The following LRP1B variants were observed in gnomAD, a reference collection of about 807,000 sequenced individuals.
The protein encoded by LRP1B is low-density lipoprotein receptor-related protein 1B.
In LRP1B, 217 loss-of-function variants were observed where a neutral mutation model predicts 556.6. That is an observed-to-expected ratio of 0.39 (90% CI 0.35 to 0.44). LRP1B has a LOEUF of 0.44. LRP1B is among the 20% of genes least tolerant of loss of function. The pLI, the probability that LRP1B is intolerant of heterozygous loss-of-function variation, is 1.00. For missense variants in LRP1B, 5,053 were observed against 5,620.8 expected (o/e 0.90, Z 3.23); for synonymous variants, 2,047 against 1,865.8 (o/e 1.10, Z -2.50).
At chr2:141,317,162 T>C (rs1687064552) in intron 3 of LRP1B, among the ~76,000 whole-genome samples, 1 of 152,224 alleles carries the variant, frequency 6.6e-6, no homozygotes, top group African/African-American at 2.4e-5. Flanking sequence ...AATCATTTCA[T>C]AAGCTCTAGA....
At chr2:141,104,919 C>T (rs1700567708) in intron 7 of LRP1B, among the ~76,000 whole-genome samples, 1 of 151,984 alleles carries the variant, frequency 6.6e-6, no homozygotes, top group African/African-American at 2.4e-5. Context: ...GAGATCAATT[C>T]ATGGAATAAG....
In LRP1B at chr2:140,628,836, GT is replaced by G. The variant is rs1324886650; in HGVS notation, c.6800-27198del. On this transcript the variant is annotated intron_variant, in intron 41 of 90. Coordinates refer to ENST00000389484, the MANE Select transcript of LRP1B (RefSeq NM_018557.3). ...CCCTTTGCTGTTCCCATGATAATGA[GT>G]TCTCATGAGATCTGTTTGTTTGAAA... Among the ~76,000 whole-genome samples the G allele has an allele frequency of 1.1e-4, 16 of 152,190 alleles. 1 individual carries two copies. In the East Asian group the frequency reaches 3.1e-3, roughly 30 times the overall value.
chr2:140,750,299 T>C (rs114877758), intron 35 of LRP1B, among the ~76,000 whole-genome samples: 4 of 152,274 alleles, frequency 2.6e-5, no homozygotes, highest in African/African-American at 9.6e-5. Context: ...TACAAGGAAA[T>C]AGGGCATGAA....
chr2:141,747,797 C>G (rs1180158297), intron 2 of LRP1B, among the ~76,000 whole-genome samples: 1 of 152,090 alleles, frequency 6.6e-6, no homozygotes, highest in Non-Finnish European at 1.5e-5. Flanking sequence ...AATAACAACT[C>G]AAATTTATTA....
At chr2:141,852,955 T>A (rs763758172) in intron 1 of LRP1B, among the ~76,000 whole-genome samples, 1 of 151,360 alleles carries the variant, frequency 6.6e-6, no homozygotes, top group Non-Finnish European at 1.5e-5. Flanking sequence ...ATCATTATCA[T>A]ATGGTGCATC....
chr2:141,638,594 A>G (rs1170939001), intron 2 of LRP1B, among the ~76,000 whole-genome samples: 3 of 116,862 alleles, frequency 2.6e-5, no homozygotes, highest in Admixed American at 1.7e-4. Flanking sequence ...GGCCGAGACC[A>G]GGCAAAGCAG....
chr2:141,261,737 A>G (rs1355991457), intron 3 of LRP1B, among the ~76,000 whole-genome samples: 2 of 152,062 alleles, frequency 1.3e-5, no homozygotes, highest in Admixed American at 1.3e-4. Context: ...CTTTTTGGTT[A>G]CTGAGTAATA....
At chr2:141,362,097 T>C (rs934584952) in intron 3 of LRP1B, among the ~76,000 whole-genome samples, 3 of 152,230 alleles carry the variant, frequency 2.0e-5, no homozygotes, top group African/African-American at 7.2e-5. Context: ...CTATTTAGTA[T>C]CTAAGATCAA....
chr2:140,654,244 A>G (rs889297402), intron 41 of LRP1B, among the ~76,000 whole-genome samples: 1 of 152,142 alleles, frequency 6.6e-6, no homozygotes, highest in South Asian at 2.1e-4. Flanking sequence ...CTTTTCTTCA[A>G]TGAATCTGGA....
intron 4 of LRP1B, among the ~76,000 whole-genome samples, chr2:141,247,660 G>A (rs1684117804): frequency 6.6e-6 from 1 of 152,062 alleles, no homozygotes; most frequent in South Asian, 2.1e-4. Flanking sequence ...ATTAATATTT[G>A]TTGAATATTT....
At chr2:141,401,142 C>T (rs1169659155) in intron 3 of LRP1B, among the ~76,000 whole-genome samples, 1 of 152,162 alleles carries the variant, frequency 6.6e-6, no homozygotes, top group African/African-American at 2.4e-5. Flanking sequence ...TATTCCCTTA[C>T]TGACATTAAA....
chr2:140,405,174 A>G (rs1364459712), intron 66 of LRP1B, among the ~76,000 whole-genome samples: 1 of 152,194 alleles, frequency 6.6e-6, no homozygotes, highest in Admixed American at 6.5e-5. Flanking sequence ...GAATGATAAT[A>G]GTGACACAAC....
chr2:141,570,434 C>T lies in LRP1B; in HGVS notation c.206-89901G>A, dbSNP rs139948791. 3.4e-5 allele frequency among the ~76,000 whole-genome samples: 5 copies of T among 146,908 alleles called. No individual in the cohort carries two copies. The East Asian group carries it at 8.0e-4, about 24-fold the overall frequency. ...ACCCAAGATTGAAAGATCCCACTTG[C>T]GAATCTACACCACCAGGGCCTAGTG... On this transcript the variant is annotated intron_variant, in intron 2 of 90. Transcript: ENST00000389484.
At chr2:141,663,701 C>T (rs1690310495) in intron 2 of LRP1B, among the ~76,000 whole-genome samples, 1 of 151,906 alleles carries the variant, frequency 6.6e-6, no homozygotes, top group Non-Finnish European at 1.5e-5. Flanking sequence ...AAGAAATAGC[C>T]TACTAAACAA....
intron 1 of LRP1B, among the ~76,000 whole-genome samples, chr2:141,962,755 A>G (rs1295985046): frequency 1.3e-5 from 2 of 151,868 alleles, no homozygotes; most frequent in African/African-American, 2.4e-5. Context: ...AAGCTAAAAA[A>G]TTACCTCAAG....
intron 41 of LRP1B, among the ~76,000 whole-genome samples, chr2:140,655,890 A>C (rs1049156752): frequency 1.3e-5 from 2 of 151,450 alleles, no homozygotes; most frequent in African/African-American, 4.9e-5. Flanking sequence ...TTGCAGTGAG[A>C]CGAGATCCCG....
At chr2:141,655,613 T>G (rs901986890) in intron 2 of LRP1B, among the ~76,000 whole-genome samples, 1 of 152,190 alleles carries the variant, frequency 6.6e-6, no homozygotes, top group African/African-American at 2.4e-5. Context: ...TGTTTTAATA[T>G]TAATGGGGTT....
At chr2:140,842,061 G>A (rs1482856619) in intron 29 of LRP1B, among the ~76,000 whole-genome samples, 1 of 152,202 alleles carries the variant, frequency 6.6e-6, no homozygotes, top group African/African-American at 2.4e-5. Context: ...TAATTCAGTA[G>A]TTCTGGGGAG....
intron 2 of LRP1B, among the ~76,000 whole-genome samples, chr2:141,715,879 TA>T (rs1692566278): frequency 6.6e-6 from 1 of 152,092 alleles, no homozygotes; most frequent in Non-Finnish European, 1.5e-5. Flanking sequence ...AAAAACCTAG[TA>T]ATTGTTTCAA....
Sources: gnomAD v4.1 joint callset for allele counts (sites outside exome capture counted in the v4.1 genomes callset) on GRCh38, gnomAD v4.1.1 for gene constraint, MANE v1.5 for transcripts, NCBI Gene and HGNC (gene_info 2026-07-23, HGNC 2026-07-21) for gene names.